The following ZSCAN1 variants were observed in gnomAD, a reference collection of about 807,000 sequenced individuals.
ZSCAN1 encodes the protein zinc finger and SCAN domain containing 1, also known as zinc finger and SCAN domain-containing protein 1.
Under a neutral mutation model 23.8 loss-of-function variants are expected in ZSCAN1, and 23 were observed. The ratio of observed to expected loss-of-function variants is 0.97; its 90% CI spans 0.70 to 1.37. The LOEUF is 1.37. Among genes scored for constraint, ZSCAN1 ranks in the 40% most tolerant of loss-of-function variants. ZSCAN1 has a pLI of 0.00. For synonymous variants in ZSCAN1, 236 were observed against 232.3 expected (o/e 1.02, Z -0.15); for missense variants, 575 against 554.0 (o/e 1.04, Z -0.38).
Position 58,037,696 on chromosome 19 carries a change from T to A in ZSCAN1, c.-109-32T>A, listed in dbSNP as rs184727998. ...CTGAGTACAGAGGGCCACCATCTGA[T>A]GTGACCCCTCTGTCCCTGCCCCTCT... On this transcript the variant is annotated intron_variant, in intron 2 of 5. Transcript: ENST00000282326. 1.5e-3 allele frequency: 1,597 copies of A among 1,082,532 alleles called. 11 individuals are homozygous for A. In the African/African-American group the frequency reaches 0.023, roughly 15 times the overall value. The allele number at this position is 1,082,532 out of a possible 1,614,324, so 67.1% of individuals were successfully genotyped here. A position where few individuals can be genotyped will look rare whatever the true frequency, so the allele number is the denominator to read the frequency against.
rs529151635 is a variant in ZSCAN1, at chr19:58,047,936, C to T, written c.466-4554C>T. On this transcript the variant is annotated intron_variant, in intron 4 of 5. Transcript: ENST00000282326. This position sits in a 1 kb window ranked among gnomAD's most constrained non-coding sequence, Gnocchi z 4.9. ...GGCCACCTCCACCCTCCTGCCCAGC[C>T]GGCTGTGTCACACTCATATTTTTAA... Among the ~76,000 whole-genome samples the T allele has an allele frequency of 4.6e-5, 7 of 152,298 alleles. No homozygotes were observed. The highest frequency in any genetic ancestry group is 2.1e-4 in the South Asian group (1 of 4,832).
Position 58,054,290 on chromosome 19 carries a change from C to A in ZSCAN1, c.*239C>A. 1 of 481,592 alleles carries A rather than the reference C, an allele frequency of 2.1e-6. No individual in the cohort carries two copies. The highest frequency in any genetic ancestry group is 3.1e-5 in the East Asian group (1 of 31,870). The allele number at this position is 481,592 out of a possible 1,614,324, so 29.8% of individuals were successfully genotyped here. ...GTTCCACAGCACAGCCTGGTCAGTC[C>A]TGCGCACTATAGTTTTGCAAGTGGC... On this transcript the variant is annotated 3_prime_UTR_variant, in exon 6 of 6. Coordinates refer to ENST00000282326, the MANE Select transcript of ZSCAN1 (RefSeq NM_182572.4). This position sits in a 1 kb window ranked among gnomAD's most constrained non-coding sequence, Gnocchi z 4.2.
downstream of ZSCAN1, among the ~76,000 whole-genome samples, chr19:58,054,955 C>T (rs780008510): frequency 1.3e-5 from 2 of 152,212 alleles, no homozygotes; most frequent in Non-Finnish European, 2.9e-5. This position sits in a 1 kb window ranked among gnomAD's most constrained non-coding sequence, Gnocchi z 4.2. Flanking sequence ...CCCGCCTCTC[C>T]TGCTAGGCTG....
chr19:58,038,360 A>T (rs928801542), intron 3 of ZSCAN1, 154 bp downstream of exon 3: 4 of 968,516 alleles, frequency 4.1e-6, no homozygotes, highest in Non-Finnish European at 6.0e-6. Context: ...GTTTTTAATT[A>T]TTTTTACATA....
rs1197304295 is a variant in ZSCAN1 at position 58,046,665 on chromosome 19, C to T, written c.466-5825C>T. On this transcript the variant is annotated intron_variant, in intron 4 of 5. Coordinates refer to ENST00000282326, the MANE Select transcript of ZSCAN1 (RefSeq NM_182572.4). Reference sequence around the variant, plus strand: ...AGCTGGTGGACAAAGAAGATGTTCACGTCTCCACCAGTCAGGTGGCCGAGA... The same window carrying T: ...AGCTGGTGGACAAAGAAGATGTTCATGTCTCCACCAGTCAGGTGGCCGAGA... The T allele has an allele frequency of 1.4e-5, 12 of 877,664 alleles. No individual in the cohort carries two copies. In the Middle Eastern group the frequency reaches 6.5e-4, roughly 48 times the overall value. The allele number at this position is 877,664 out of a possible 1,614,324, so 54.4% of individuals were successfully genotyped here.
rs1398952251 is a variant in ZSCAN1, at chr19:58,045,599, G to A, written c.465+5055G>A. ...AGCTGCTGGAGCTACAGCTTCCTGCGCTTCCAGCTCACGATGCGGCTGCGC... is the reference window on the plus strand; with the variant it reads ...AGCTGCTGGAGCTACAGCTTCCTGCACTTCCAGCTCACGATGCGGCTGCGC... On this transcript the variant is annotated intron_variant, in intron 4 of 5. Transcript: ENST00000282326. The surrounding 1 kb of genome is among the most constrained non-coding windows in gnomAD (Gnocchi z 4.3). 9.7e-6 allele frequency: 10 copies of A among 1,035,120 alleles called. No individual in the cohort carries two copies. Among genetic ancestry groups the A allele is most frequent in the East Asian group, 4.7e-5 (2 of 42,446 alleles). 64.1% of individuals were successfully genotyped at this position (1,035,120 alleles called of 1,614,324 possible).
chr19:58,040,528 A>G lies in ZSCAN1; in HGVS notation c.449A>G (p.Gln150Arg), dbSNP rs776175785. Residue 150 changes from glutamine to arginine, a missense_variant, in exon 4 of 6, where the codon CAG becomes CGG. Coordinates refer to ENST00000282326, the MANE Select transcript of ZSCAN1 (RefSeq NM_182572.4). This position sits in a 1 kb window ranked among gnomAD's most constrained non-coding sequence, Gnocchi z 5.8. ...EEEDGKSPRS[Q>R]KEPSQASELI... The stretch of plus-strand genomic sequence containing the variant: ...GAAGATGGGAAGAGTCCAAGGTCCC[A>G]GAAAGAACCATCGCAGGTGAGCCCG... The G allele has an allele frequency of 6.2e-7, 1 of 1,613,498 alleles. No homozygotes were observed. Among genetic ancestry groups the G allele is most frequent in the Admixed American group, 1.7e-5 (1 of 60,024 alleles).
rs774558314 is a variant in ZSCAN1 at position 58,053,940 on chromosome 19, C to T, written c.1116C>T (p.Ala372=). The T allele has an allele frequency of 2.5e-6, 4 of 1,611,874 alleles. No individual in the cohort carries two copies. Among genetic ancestry groups the T allele is most frequent in the African/African-American group, 2.7e-5 (2 of 74,848 alleles). Residue 372 remains alanine, a synonymous_variant, in exon 6 of 6, where the codon GCC becomes GCT. Transcript: ENST00000282326. The surrounding 1 kb of genome is among the most constrained non-coding windows in gnomAD (Gnocchi z 5.8). ...PPRDGAQGPV[A]PRSPKRPFQC... ...GGGATGGAGCCCAGGGCCCAGTGGC[C>T]CCTCGCAGCCCCAAAAGACCCTTCC...
chr19:58,056,326 C>A (rs2073889115), downstream of ZSCAN1, among the ~76,000 whole-genome samples: 1 of 152,258 alleles, frequency 6.6e-6, no homozygotes, highest in Non-Finnish European at 1.5e-5. Context: ...GTGTCTCCAC[C>A]TGACTCCACA....
Position 58,040,395 on chromosome 19 carries a change from A to G in ZSCAN1, c.371-55A>G. 6.3e-7 allele frequency: 1 copy of G among 1,588,184 alleles called. No homozygotes were observed. The highest frequency in any genetic ancestry group is 8.6e-7 in the Non-Finnish European group (1 of 1,158,228). On this transcript the variant is annotated intron_variant, in intron 3 of 5. Transcript: ENST00000282326. This position sits in a 1 kb window ranked among gnomAD's most constrained non-coding sequence, Gnocchi z 5.8. ...TCTGCCCTCCCCAGAAGGCCTGGAG[A>G]ATTGGGGGCTCTGGGAAGAACAGGC... is the stretch of plus-strand genomic sequence containing the variant.
At chr19:58,035,320 C>G (rs983303799) in intron 1 of ZSCAN1, 2 of 152,954 alleles carry the variant, frequency 1.3e-5, no homozygotes, top group Non-Finnish European at 2.9e-5. Context: ...CCCACATTGG[C>G]CTAGGTGTTC....
intron 4 of ZSCAN1, among the ~76,000 whole-genome samples, chr19:58,043,393 T>A (rs1445166576): frequency 8.5e-5 from 13 of 152,174 alleles, no homozygotes; most frequent in Admixed American, 8.5e-4. Context: ...ATGTTGTTTG[T>A]GGATTTAAAC....
intron 4 of ZSCAN1, chr19:58,044,927 T>C: frequency 2.2e-6 from 2 of 913,908 alleles, no homozygotes; most frequent in East Asian, 2.4e-5. Flanking sequence ...TCGCGCCCTG[T>C]TGGTGATGAC....
At chr19:58,043,407 G>T (rs1397586718) in intron 4 of ZSCAN1, among the ~76,000 whole-genome samples, 2 of 152,192 alleles carry the variant, frequency 1.3e-5, no homozygotes, top group African/African-American at 2.4e-5. Flanking sequence ...TTTAAACATA[G>T]AAAAGGTACA....
intron 4 of ZSCAN1, chr19:58,044,586 A>G: frequency 1.1e-6 from 1 of 907,714 alleles, no homozygotes; most frequent in Non-Finnish European, 1.7e-6. Flanking sequence ...ACGCCCGGAC[A>G]CACGGCGTCC....
At chr19:58,042,655 A>G (rs2073798171) in intron 4 of ZSCAN1, among the ~76,000 whole-genome samples, 1 of 152,116 alleles carries the variant, frequency 6.6e-6, no homozygotes, top group African/African-American at 2.4e-5. Context: ...ACCTGGGTAG[A>G]CCACAGTTGT....
rs373405954 is a variant in ZSCAN1 at position 58,037,960 on chromosome 19, C to T, written c.124C>T (p.Arg42Trp). ...RDTEAQRLRF[R>W]QFQYHVASGP... ...CACCGAAGCCCAGCGTCTGCGCTTC[C>T]GGCAGTTCCAGTACCACGTGGCGAG... The change falls in exon 3 of 6, where the codon CGG becomes TGG. Residue 42 changes from arginine (R) to tryptophan (W), a missense_variant. Coordinates refer to ENST00000282326, the MANE Select transcript of ZSCAN1 (RefSeq NM_182572.4). 150 of 1,605,564 alleles carry T rather than the reference C, an allele frequency of 9.3e-5. No individual in the cohort carries two copies. The highest frequency in any genetic ancestry group is 1.1e-4 in the Non-Finnish European group (133 of 1,179,570).
chr19:58,038,188 C>T lies in ZSCAN1; in HGVS notation c.352C>T (p.Gln118Ter). ...EAASLVEDLT[Q>*]MCQQEVLVSL... ...CGCCAGCCTGGTGGAGGACCTCACA[C>T]AGATGTGCCAGCAGGAAGGTGAGAG... The change falls in exon 3 of 6, where the codon CAG (glutamine) becomes TAG (stop). Residue 118 changes from glutamine (Q) to a stop codon, truncating the protein, a stop_gained. Coordinates refer to ENST00000282326, the MANE Select transcript of ZSCAN1 (RefSeq NM_182572.4). LOFTEE classifies it high-confidence loss of function. 6.2e-7 allele frequency: 1 copy of T among 1,606,300 alleles called. No homozygotes were observed. The highest frequency in any genetic ancestry group is 1.1e-5 in the South Asian group (1 of 90,472).
chr19:58,054,334 C>T lies in ZSCAN1; in HGVS notation c.*283C>T, dbSNP rs897155375. ...AAGTGGCTTGAAGAGGAGTTTCATT[C>T]GCGTCCCATCTTTCAGAAGCCTTGT... is the stretch of plus-strand genomic sequence containing the variant. On this transcript the variant is annotated 3_prime_UTR_variant, in exon 6 of 6. Coordinates refer to ENST00000282326, the MANE Select transcript of ZSCAN1 (RefSeq NM_182572.4). This position sits in a 1 kb window ranked among gnomAD's most constrained non-coding sequence, Gnocchi z 4.2. 2.8e-5 allele frequency: 10 copies of T among 351,504 alleles called. No individual in the cohort carries two copies. The highest frequency in any genetic ancestry group is 1.5e-4 in the African/African-American group (7 of 47,718). 21.8% of individuals were successfully genotyped at this position (351,504 alleles called of 1,614,324 possible).
Sources: allele counts gnomAD v4.1 joint callset (sites outside exome capture counted in the v4.1 genomes callset), GRCh38; gene constraint gnomAD v4.1.1; non-coding constraint Gnocchi (gnomAD v3.1); transcripts MANE v1.5; gene names NCBI Gene and HGNC (gene_info 2026-07-23, HGNC 2026-07-21).